Variants in MACROD2 observed in about 807,000 individuals in gnomAD.
The protein encoded by MACROD2 is mono-ADP ribosylhydrolase 2.
MACROD2 carries 36 observed loss-of-function variants against 70.4 expected under a neutral mutation model. The ratio of observed to expected loss-of-function variants is 0.51; its 90% CI spans 0.39 to 0.68. MACROD2 has a LOEUF of 0.68. Among genes scored for constraint, MACROD2 ranks in the 30% least tolerant of loss-of-function variants. The pLI is 0.00. For missense variants in MACROD2, 496 were observed against 538.4 expected, an observed-to-expected ratio of 0.92 and a Z score of 0.78; for synonymous variants, 172 against 178.8, an observed-to-expected ratio of 0.96 and a Z score of 0.30.
chr20:14,690,258 T>TTTA (rs35787769), intron 5 of MACROD2, among the ~76,000 whole-genome samples: 32,145 of 152,012 alleles, frequency 0.21, 3,603 homozygotes, highest in Non-Finnish European at 0.24. Context: ...ATCTGTTTCT[T>TTTA]TTATTTCTTC....
intron 8 of MACROD2, among the ~76,000 whole-genome samples, chr20:15,780,221 A>G (rs967229836): frequency 6.6e-6 from 1 of 152,196 alleles, no homozygotes; most frequent in Non-Finnish European, 1.5e-5. Context: ...TTAAACAAAC[A>G]GAAAAATAAA....
intron 5 of MACROD2, among the ~76,000 whole-genome samples, chr20:14,861,995 A>C (rs11697445): frequency 3.5e-5 from 1 of 28,540 alleles, no homozygotes; most frequent in Non-Finnish European, 6.7e-5. Context: ...ATATATATTT[A>C]TATATATATT....
chr20:15,313,459 A>G (rs2146152692), intron 6 of MACROD2, among the ~76,000 whole-genome samples: 1 of 149,686 alleles, frequency 6.7e-6, no homozygotes, highest in East Asian at 2.0e-4. Flanking sequence ...GTGAGCCAAG[A>G]TCACACCACT....
At chr20:15,926,210 A>G (rs2065486821) in intron 10 of MACROD2, among the ~76,000 whole-genome samples, 2 of 152,202 alleles carry the variant, frequency 1.3e-5, no homozygotes, top group South Asian at 4.1e-4. Flanking sequence ...GCATCCTTGA[A>G]AAATTCTGTT....
intron 5 of MACROD2, among the ~76,000 whole-genome samples, chr20:15,177,006 C>T (rs1429960058): frequency 1.3e-5 from 2 of 152,186 alleles, no homozygotes; most frequent in African/African-American, 2.4e-5. Flanking sequence ...GGAGCTGGCA[C>T]CTGTGCCAGT....
intron 5 of MACROD2, among the ~76,000 whole-genome samples, chr20:14,804,330 A>T (rs1244728210): frequency 6.6e-6 from 1 of 152,004 alleles, no homozygotes; most frequent in Non-Finnish European, 1.5e-5. Context: ...TTGTGAAAGG[A>T]TGCTCTGTCT....
chr20:15,203,687 C>A (rs1049557894), intron 5 of MACROD2, among the ~76,000 whole-genome samples: 1 of 151,928 alleles, frequency 6.6e-6, no homozygotes, highest in Non-Finnish European at 1.5e-5. Flanking sequence ...ATCTTCTAGT[C>A]CAAGGTCAAG....
chr20:14,410,203 C>A (rs1258329243), intron 3 of MACROD2, among the ~76,000 whole-genome samples: 2 of 143,948 alleles, frequency 1.4e-5, no homozygotes, highest in Admixed American at 7.4e-5. Flanking sequence ...AGGTGAGGCC[C>A]AGAGTTTGCA....
intron 8 of MACROD2, among the ~76,000 whole-genome samples, chr20:15,542,829 C>T (rs2047975250): frequency 6.6e-6 from 1 of 152,180 alleles, no homozygotes; most frequent in Admixed American, 6.5e-5. Context: ...AATAGGCCAA[C>T]TCTATTTGTG....
intron 10 of MACROD2, among the ~76,000 whole-genome samples, chr20:15,908,042 A>C (rs978936768): frequency 1.3e-5 from 2 of 152,202 alleles, no homozygotes; most frequent in Non-Finnish European, 2.9e-5. Context: ...TTTTAATACC[A>C]TAAATATATT....
chr20:14,841,841 G>A (rs2073090549), intron 5 of MACROD2, among the ~76,000 whole-genome samples: 1 of 151,942 alleles, frequency 6.6e-6, no homozygotes, highest in South Asian at 2.1e-4. Context: ...TACTAAGATT[G>A]GTTTTAAGAC....
At chr20:14,632,874 A>T (rs1984588013) in intron 4 of MACROD2, among the ~76,000 whole-genome samples, 1 of 152,244 alleles carries the variant, frequency 6.6e-6, no homozygotes, top group African/African-American at 2.4e-5. Context: ...ATATATTGAA[A>T]GTTCTCATTT....
chr20:15,423,612 G>A (rs767570917), intron 6 of MACROD2, among the ~76,000 whole-genome samples: 1 of 151,814 alleles, frequency 6.6e-6, no homozygotes, highest in Non-Finnish European at 1.5e-5. Flanking sequence ...TCTTTCTGTG[G>A]CCTCATATAG....
At chr20:15,693,038 G>GC (rs1283325587) in intron 8 of MACROD2, among the ~76,000 whole-genome samples, 2 of 151,984 alleles carry the variant, frequency 1.3e-5, no homozygotes, top group Non-Finnish European at 2.9e-5. Flanking sequence ...CTTCCCCTTT[G>GC]CCCTCCGCCA....
chr20:14,916,526 T>C (rs1453479085), intron 5 of MACROD2, among the ~76,000 whole-genome samples: 2 of 152,226 alleles, frequency 1.3e-5, no homozygotes, highest in Non-Finnish European at 2.9e-5. Flanking sequence ...CTCATGTGCT[T>C]GTTGGAAACA....
intron 2 of MACROD2, among the ~76,000 whole-genome samples, chr20:14,006,077 A>G (rs779820170): frequency 2.6e-5 from 4 of 152,186 alleles, no homozygotes; most frequent in Admixed American, 6.5e-5. Context: ...TAAATACACA[A>G]TGACTTACCA....
intron 4 of MACROD2, among the ~76,000 whole-genome samples, chr20:14,571,440 A>G (rs1472216716): frequency 1.3e-5 from 2 of 152,050 alleles, no homozygotes; most frequent in Admixed American, 6.6e-5. Flanking sequence ...TTAACCTGGA[A>G]AGCACTGAGT....
intron 3 of MACROD2, among the ~76,000 whole-genome samples, chr20:14,121,661 C>A (rs2054590799): frequency 6.6e-6 from 1 of 152,066 alleles, no homozygotes; most frequent in East Asian, 1.9e-4. Flanking sequence ...AATTACTGAG[C>A]AGTTTTGTAT....
chr20:14,612,564 A>C (rs1439124847), intron 4 of MACROD2, among the ~76,000 whole-genome samples: 4 of 152,108 alleles, frequency 2.6e-5, no homozygotes, highest in African/African-American at 4.8e-5. Context: ...GCAGTATAAA[A>C]ATAAGATTGC....
Sources: gnomAD v4.1 joint callset for allele counts (sites outside exome capture counted in the v4.1 genomes callset) on GRCh38, gnomAD v4.1.1 for gene constraint, MANE v1.5 for transcripts, NCBI Gene and HGNC (gene_info 2026-07-23, HGNC 2026-07-21) for gene names.